Variants in ST3GAL4 observed in about 807,000 individuals in gnomAD.
ST3GAL4 encodes the protein CMP-N-acetylneuraminate-beta-galactosamide-alpha-2,3-sialyltransferase 4.
Under a neutral mutation model 42.6 loss-of-function variants are expected in ST3GAL4, and 24 were observed. The ratio of observed to expected loss-of-function variants is 0.56; its 90% CI spans 0.41 to 0.79. ST3GAL4 has a LOEUF of 0.79. ST3GAL4 is among the 30% of genes least tolerant of loss of function. The probability of loss-of-function intolerance (pLI) is 0.00; values close to 1 mark genes in which losing one functional copy is unlikely to be tolerated. For synonymous variants in ST3GAL4, 135 were observed against 163.2 expected (o/e 0.83, Z 1.32); for missense variants, 311 against 430.8 (o/e 0.72, Z 2.46).
chr11:126,407,188 A>T lies in ST3GAL4; in HGVS notation c.183-64A>T. On this transcript the variant is annotated intron_variant, in intron 4 of 10. Transcript: ENST00000444328. ...CCTTATAATATTAGTCATGGGCCTA[A>T]CCCTACTTCTGGCATCAAGATTAAT... The T allele has an allele frequency of 1.9e-6, 3 of 1,573,182 alleles. 1 individual carries two copies. In the Middle Eastern group the frequency reaches 5.0e-4, roughly 263 times the overall value.
chr11:126,407,584 C>T lies in ST3GAL4; in HGVS notation c.291C>T (p.Leu97=), dbSNP rs1238563919. 1.2e-6 allele frequency: 2 copies of T among 1,614,036 alleles called. No individual in the cohort carries two copies. Among genetic ancestry groups the T allele is most frequent in the Admixed American group, 1.7e-5 (1 of 59,996 alleles). The change falls in exon 6 of 11, where the codon CTC becomes CTT. Residue 97 remains leucine (L), a synonymous_variant. Transcript: ENST00000444328. ...TGGTACTTTTTGTAGAGGATCTGCT[C>T]CTCCGGGTGCTAGCCATCACCAGCT... is the stretch of plus-strand genomic sequence containing the variant. ...PYGTKGSEDL[L]LRVLAITSSS...
intron 1 of ST3GAL4, chr11:126,358,425 A>G (rs1280208599): frequency 6.7e-6 from 3 of 451,126 alleles, no homozygotes; most frequent in Admixed American, 4.8e-5. Flanking sequence ...AGGCTTCTGT[A>G]TGAGTGTCCT....
rs202211522 is a variant in ST3GAL4 at position 126,362,215 on chromosome 11, T to A, written c.-61+6373T>A. 1.5e-3 allele frequency among the ~76,000 whole-genome samples: 216 copies of A among 141,432 alleles called. 2 individuals carry two copies. The highest frequency in any genetic ancestry group is 6.1e-3 in the East Asian group (28 of 4,618). The allele number at this position is 141,432 out of a possible 152,430, so 92.8% of individuals were successfully genotyped here. On this transcript the variant is annotated intron_variant, in intron 1 of 10. Transcript: ENST00000444328. ...TTCCTTTTTTTTTTTTTTTTTTTTT[T>A]AAGACGGAGTCTCACTCTGTTGCCC...
At position 126,387,512 on chromosome 11, in the gene ST3GAL4, T is replaced by G. The variant is rs1220509492; in HGVS notation, c.-60-18584T>G. 3.9e-5 allele frequency among the ~76,000 whole-genome samples: 6 copies of G among 152,052 alleles called. No individual in the cohort carries two copies. In the South Asian group the frequency reaches 6.3e-4, roughly 16 times the overall value. On this transcript the variant is annotated intron_variant, in intron 1 of 10. Coordinates refer to ENST00000444328, the MANE Select transcript of ST3GAL4 (RefSeq NM_001254757.2). The stretch of plus-strand genomic sequence containing the variant: ...GTTCAACGTGGTGAGACCCCATCTC[T>G]CCAACATTTACAAAACTAGCTGGTC...
chr11:126,391,392 G>C lies in ST3GAL4; in HGVS notation c.-60-14704G>C, dbSNP rs562167224. On this transcript the variant is annotated intron_variant, in intron 1 of 10. Coordinates refer to ENST00000444328, the MANE Select transcript of ST3GAL4 (RefSeq NM_001254757.2). The surrounding 1 kb of genome is among the most constrained non-coding windows in gnomAD (Gnocchi z 5.5). ...GCAACCTTGTGCCTGCTGAGTGGTG[G>C]AACAGTTCTGAAAAGGTCTGTTCTG... Among the ~76,000 whole-genome samples the C allele has an allele frequency of 1.3e-5, 2 of 152,282 alleles. No individual in the cohort carries two copies. The highest frequency in any genetic ancestry group is 4.1e-4 in the South Asian group (2 of 4,820).
intron 1 of ST3GAL4, among the ~76,000 whole-genome samples, chr11:126,360,965 G>A (rs1053790898): frequency 3.3e-5 from 5 of 152,218 alleles, no homozygotes; most frequent in African/African-American, 1.2e-4. Flanking sequence ...TGCCACCTTG[G>A]GGGTCTCTGT....
At chr11:126,382,749 C>T (rs957654801) in intron 1 of ST3GAL4, among the ~76,000 whole-genome samples, 9 of 152,312 alleles carry the variant, frequency 5.9e-5, no homozygotes, top group African/African-American at 2.2e-4. Context: ...TAGCCCAGAC[C>T]TGTTGAACCA....
chr11:126,407,475 A>G, intron 5 of ST3GAL4, 99 bp from the exon 6 acceptor site: 2 of 1,573,308 alleles, frequency 1.3e-6, no homozygotes, highest in Non-Finnish European at 1.7e-6. Flanking sequence ...TCAGGGGAAG[A>G]AGAAGGCAGC....
In ST3GAL4 at chr11:126,396,825, T is replaced by A. The variant is rs1356745679; in HGVS notation, c.-60-9271T>A. Among the ~76,000 whole-genome samples, 4 of 151,784 alleles carry A rather than the reference T, an allele frequency of 2.6e-5. No individual in the cohort carries two copies. The highest frequency in any genetic ancestry group is 9.7e-5 in the African/African-American group (4 of 41,214). On this transcript the variant is annotated intron_variant, in intron 1 of 10. Coordinates refer to ENST00000444328, the MANE Select transcript of ST3GAL4 (RefSeq NM_001254757.2). The surrounding 1 kb of genome is among the most constrained non-coding windows in gnomAD (Gnocchi z 5.8). ...TTACTGACCCCTTTCCCACCTTAGT[T>A]CCCTGGCTCTACAATGGAGGTAATT...
rs1184737746 is a variant in ST3GAL4 at position 126,359,671 on chromosome 11, G to A, written c.-61+3829G>A. 1.3e-5 allele frequency among the ~76,000 whole-genome samples: 2 copies of A among 152,214 alleles called. No homozygotes were observed. Among genetic ancestry groups the A allele is most frequent in the Non-Finnish European group, 2.9e-5 (2 of 68,040 alleles). The stretch of plus-strand genomic sequence containing the variant: ...ACATCCCGGCCGGGCCGTACCCTGA[G>A]CACACGCTTGTCCGCTTTCTCAGCT... On this transcript the variant is annotated intron_variant, in intron 1 of 10. Coordinates refer to ENST00000444328, the MANE Select transcript of ST3GAL4 (RefSeq NM_001254757.2). This position sits in a 1 kb window ranked among gnomAD's most constrained non-coding sequence, Gnocchi z 4.8.
intron 1 of ST3GAL4, among the ~76,000 whole-genome samples, chr11:126,390,360 A>G (rs1236968451): frequency 1.3e-5 from 2 of 151,326 alleles, no homozygotes; most frequent in Non-Finnish European, 2.9e-5. Flanking sequence ...GCACTGCCTA[A>G]TAAATATCCT....
chr11:126,413,724 G>T, intron 10 of ST3GAL4, 76 bp downstream of exon 10: 2 of 1,583,270 alleles, frequency 1.3e-6, no homozygotes, highest in South Asian at 1.2e-5. Flanking sequence ...GGGTGAGTGG[G>T]AGCAGTGCTG....
rs1244046218 is a variant in ST3GAL4, at chr11:126,366,616, A to G, written c.-61+10774A>G. 6.6e-6 allele frequency among the ~76,000 whole-genome samples: 1 copy of G among 151,730 alleles called. No individual in the cohort carries two copies. Among genetic ancestry groups the G allele is most frequent in the Non-Finnish European group, 1.5e-5 (1 of 67,946 alleles). ...CTCCCCTCTGGCGAGTCTGCCTCTC[A>G]CTCGCTCAGCCCCTTTAACCCTGCT... On this transcript the variant is annotated intron_variant, in intron 1 of 10. Transcript: ENST00000444328. The surrounding 1 kb of genome is among the most constrained non-coding windows in gnomAD (Gnocchi z 4.2).
intron 1 of ST3GAL4, among the ~76,000 whole-genome samples, chr11:126,389,826 A>G (rs1362485688): frequency 2.6e-5 from 4 of 152,164 alleles, no homozygotes; most frequent in South Asian, 2.1e-4. Flanking sequence ...GGCTCAAGCA[A>G]TCCTCCTGCC....
chr11:126,413,564 C>T lies in ST3GAL4; in HGVS notation c.831C>T (p.His277=). ...TLALHLCDLV[H]IAGFGYPDAY... ...CCCTCCACCTCTGTGACTTGGTGCACATTGCCGGCTTTGGCTACCCAGACG... is the reference window on the plus strand; with the variant it reads ...CCCTCCACCTCTGTGACTTGGTGCATATTGCCGGCTTTGGCTACCCAGACG... The change falls in exon 10 of 11, where the codon CAC becomes CAT. Residue 277 remains histidine, a synonymous_variant. Transcript: ENST00000444328. The T allele has an allele frequency of 6.2e-7, 1 of 1,614,280 alleles. No individual in the cohort carries two copies. Among genetic ancestry groups the T allele is most frequent in the South Asian group, 1.1e-5 (1 of 91,090 alleles).
chr11:126,402,523 G>C (rs1487442299), intron 1 of ST3GAL4, among the ~76,000 whole-genome samples: 1 of 151,112 alleles, frequency 6.6e-6, no homozygotes, highest in Non-Finnish European at 1.5e-5. Flanking sequence ...TGTGATCACA[G>C]AACCAGCAAG....
At chr11:126,360,375 T>C (rs1161985571) in intron 1 of ST3GAL4, among the ~76,000 whole-genome samples, 1 of 152,248 alleles carries the variant, frequency 6.6e-6, no homozygotes, top group Non-Finnish European at 1.5e-5. Context: ...TTTCTATTTT[T>C]TGTAGATACA....
chr11:126,360,018 G>T (rs1032794367), intron 1 of ST3GAL4, among the ~76,000 whole-genome samples: 2 of 152,206 alleles, frequency 1.3e-5, no homozygotes, highest in Non-Finnish European at 2.9e-5. Flanking sequence ...TGGCTGCCTG[G>T]CCCTCCTTGA....
At chr11:126,385,749 C>T (rs983192737) in intron 1 of ST3GAL4, among the ~76,000 whole-genome samples, 2 of 151,972 alleles carry the variant, frequency 1.3e-5, no homozygotes, top group African/African-American at 4.8e-5. Context: ...TGGTGGCTCA[C>T]GCCTGTAATT....
Sources: allele counts gnomAD v4.1 joint callset (sites outside exome capture counted in the v4.1 genomes callset), GRCh38; gene constraint gnomAD v4.1.1; non-coding constraint Gnocchi (gnomAD v3.1); transcripts MANE v1.5; gene names NCBI Gene and HGNC (gene_info 2026-07-23, HGNC 2026-07-21).